ARFGEF3: variants seen among roughly 807,000 people sequenced by gnomAD.
ARFGEF3 encodes the protein ARFGEF family member 3.
In ARFGEF3, 96 loss-of-function variants were observed where a neutral mutation model predicts 221.7. That is an observed-to-expected ratio of 0.43 (90% CI 0.37 to 0.51). The LOEUF (loss-of-function observed/expected upper bound fraction) is 0.51. Ranked by LOEUF, ARFGEF3 falls within the 20% of genes least tolerant of loss-of-function variation. ARFGEF3 has a pLI of 0.00. For synonymous variants in ARFGEF3, 1,145 were observed against 1,126.8 expected (o/e 1.02, Z -0.32); for missense variants, 2,410 against 2,789.9 (o/e 0.86, Z 3.07).
chr6:138,300,162 A>T (rs1443899501), intron 22 of ARFGEF3, among the ~76,000 whole-genome samples: 1 of 152,258 alleles, frequency 6.6e-6, no homozygotes, highest in Non-Finnish European at 1.5e-5. Context: ...GGTATCTTCC[A>T]TGCAAAATAT....
intron 2 of ARFGEF3, among the ~76,000 whole-genome samples, chr6:138,191,388 T>A (rs1325942167): frequency 6.6e-6 from 1 of 152,170 alleles, no homozygotes; most frequent in African/African-American, 2.4e-5. Flanking sequence ...AGTCAGTGAC[T>A]GAAGGGTACT....
At chr6:138,319,442 AG>A (rs1233661059) in intron 27 of ARFGEF3, among the ~76,000 whole-genome samples, 2 of 152,152 alleles carry the variant, frequency 1.3e-5, no homozygotes, top group African/African-American at 4.8e-5. Flanking sequence ...GGAGTTGAGC[AG>A]GTGATATTTT....
Position 138,343,220 on chromosome 6 carries a change from C to A in ARFGEF3, c.*6734C>A, listed in dbSNP as rs1169972278. The A allele has an allele frequency of 6.6e-6, 1 of 152,138 alleles. No homozygotes were observed. The highest frequency in any genetic ancestry group is 1.5e-5 in the Non-Finnish European group (1 of 68,024). 9.4% of individuals were successfully genotyped at this position (152,138 alleles called of 1,614,324 possible). ...AAAAAACAAGTCACTTAAAAATCATCACCTATTTATAAACTGTATTAATTA... is the reference window on the plus strand; with the variant it reads ...AAAAAACAAGTCACTTAAAAATCATAACCTATTTATAAACTGTATTAATTA... On this transcript the variant is annotated 3_prime_UTR_variant, in exon 34 of 34. Coordinates refer to ENST00000251691, the MANE Select transcript of ARFGEF3 (RefSeq NM_020340.5).
intron 2 of ARFGEF3, among the ~76,000 whole-genome samples, chr6:138,191,209 G>C (rs1383151240): frequency 1.3e-5 from 2 of 152,048 alleles, no homozygotes; most frequent in African/African-American, 4.8e-5. Flanking sequence ...GGTTTCTAGT[G>C]GGAACTGATA....
At chr6:138,226,038 T>TTTGTG in intron 4 of ARFGEF3, among the ~76,000 whole-genome samples, 1 of 152,318 alleles carries the variant, frequency 6.6e-6, no homozygotes, top group Non-Finnish European at 1.5e-5. Flanking sequence ...CCAAATCACA[T>TTTGTG]GCATGATCAT....
chr6:138,314,556 C>T (rs1238045279), intron 26 of ARFGEF3, among the ~76,000 whole-genome samples: 1 of 152,150 alleles, frequency 6.6e-6, no homozygotes, highest in African/African-American at 2.4e-5. Flanking sequence ...ACAGTTGAGA[C>T]CAAAGGCATG....
chr6:138,240,026 A>G (rs1430956307), intron 6 of ARFGEF3, among the ~76,000 whole-genome samples: 1 of 152,158 alleles, frequency 6.6e-6, no homozygotes, highest in Non-Finnish European at 1.5e-5. Flanking sequence ...TGAAAAAACA[A>G]ATATTGATTT....
At chr6:138,215,706 T>G (rs534024682) in intron 4 of ARFGEF3, among the ~76,000 whole-genome samples, 5 of 152,116 alleles carry the variant, frequency 3.3e-5, no homozygotes, top group African/African-American at 1.2e-4. Flanking sequence ...GGGGTAAAAC[T>G]AGGAGTGGCT....
chr6:138,163,494 G>T (rs140885449), intron 1 of ARFGEF3, among the ~76,000 whole-genome samples: 78 of 152,340 alleles, frequency 5.1e-4, no homozygotes, highest in African/African-American at 1.8e-3. Context: ...ACAGATGGCT[G>T]GGTAACATGA....
chr6:138,215,742 T>C (rs1777830298), intron 4 of ARFGEF3, among the ~76,000 whole-genome samples: 1 of 152,098 alleles, frequency 6.6e-6, no homozygotes, highest in Non-Finnish European at 1.5e-5. Flanking sequence ...TTTCTGTGTC[T>C]TCCCGTGATA....
At chr6:138,312,261 C>T (rs1356006520) in intron 25 of ARFGEF3, among the ~76,000 whole-genome samples, 1 of 152,178 alleles carries the variant, frequency 6.6e-6, no homozygotes, top group Non-Finnish European at 1.5e-5. Flanking sequence ...TGCCCCCTCC[C>T]TGAGGCCGTT....
intron 5 of ARFGEF3, among the ~76,000 whole-genome samples, chr6:138,232,681 T>A (rs1235671725): frequency 6.6e-6 from 1 of 152,194 alleles, no homozygotes. Context: ...ACACCTTTTT[T>A]ATTGTTATTC....
intron 12 of ARFGEF3, among the ~76,000 whole-genome samples, 185 bp downstream of exon 12, chr6:138,263,796 C>T (rs1432647498): frequency 6.6e-6 from 1 of 152,194 alleles, no homozygotes; most frequent in Admixed American, 6.5e-5. Flanking sequence ...TTGAATTCTA[C>T]AGCAGTCGAT....
Position 138,336,581 on chromosome 6 carries a change from TAAAC to T in ARFGEF3, c.*96_*99del. The T allele has an allele frequency of 1.0e-6, 1 of 983,538 alleles. No homozygotes were observed. The highest frequency in any genetic ancestry group is 1.5e-6 in the Non-Finnish European group (1 of 670,612). The allele number at this position is 983,538 out of a possible 1,614,324, so 60.9% of individuals were successfully genotyped here. A position where few individuals can be genotyped will look rare whatever the true frequency, so the allele number is the denominator to read the frequency against. On this transcript the variant is annotated 3_prime_UTR_variant, in exon 34 of 34. Coordinates refer to ENST00000251691, the MANE Select transcript of ARFGEF3 (RefSeq NM_020340.5). ...CATTTTCCCCACCACTAGCCCCACTTAAACTACTACTACTGTCTCAGAGAACAGT... is the reference window on the plus strand; with the variant it reads ...CATTTTCCCCACCACTAGCCCCACTTTACTACTACTGTCTCAGAGAACAGT...
At chr6:138,289,361 G>A (rs981125741) in intron 17 of ARFGEF3, among the ~76,000 whole-genome samples, 4 of 152,192 alleles carry the variant, frequency 2.6e-5, no homozygotes, top group Admixed American at 1.3e-4. Context: ...CAAAATATAC[G>A]TAAATAAGTT....
intron 2 of ARFGEF3, among the ~76,000 whole-genome samples, chr6:138,193,963 A>C (rs1186685911): frequency 6.6e-6 from 1 of 152,148 alleles, no homozygotes; most frequent in Non-Finnish European, 1.5e-5. Context: ...CAGTTGCATA[A>C]GGTTATCAGC....
At chr6:138,255,937 T>C (rs1778670676) in intron 10 of ARFGEF3, among the ~76,000 whole-genome samples, 168 bp downstream of exon 10, 1 of 152,126 alleles carries the variant, frequency 6.6e-6, no homozygotes, top group South Asian at 2.1e-4. Context: ...TGTGTACATG[T>C]ATTGCGAGCT....
intron 5 of ARFGEF3, among the ~76,000 whole-genome samples, chr6:138,237,054 C>A (rs1444137826): frequency 6.8e-6 from 1 of 146,834 alleles, no homozygotes. Context: ...GAAATATTAA[C>A]ATTCAATAGG....
At chr6:138,311,557 GAACATGCTGCCAA>G (rs1562388401) in intron 25 of ARFGEF3, 47 bp downstream of exon 25, 1 of 1,349,874 alleles carries the variant, frequency 7.4e-7, no homozygotes, top group South Asian at 1.3e-5. Flanking sequence ...ACCTGCCTCG[GAACATGCTGCCAA>G]AACATGCGTG....
Sources: gnomAD v4.1 joint callset for allele counts (sites outside exome capture counted in the v4.1 genomes callset) on GRCh38, gnomAD v4.1.1 for gene constraint, MANE v1.5 for transcripts, NCBI Gene and HGNC (gene_info 2026-07-23, HGNC 2026-07-21) for gene names.